The following FSTL5 variants were observed in gnomAD, a reference collection of about 807,000 sequenced individuals.
The protein encoded by FSTL5 is follistatin-related protein 5.
FSTL5 carries 62 observed loss-of-function variants against 89.1 expected under a neutral mutation model. The ratio of observed to expected loss-of-function variants is 0.70; its 90% CI spans 0.57 to 0.86. The LOEUF (loss-of-function observed/expected upper bound fraction) is 0.86. Among genes scored for constraint, FSTL5 ranks in the 40% least tolerant of loss-of-function variants. FSTL5 has a pLI of 0.00. For missense variants in FSTL5, 1,057 were observed against 1,001.6 expected, an observed-to-expected ratio of 1.06 and a Z score of -0.75; for synonymous variants, 383 against 346.2, an observed-to-expected ratio of 1.11 and a Z score of -1.18.
chr4:162,152,078 A>G (rs989305382), intron 1 of FSTL5, among the ~76,000 whole-genome samples: 1 of 152,198 alleles, frequency 6.6e-6, no homozygotes, highest in African/African-American at 2.4e-5. Context: ...AAGTTGTACT[A>G]TTTGTGCACA....
intron 6 of FSTL5, among the ~76,000 whole-genome samples, chr4:161,740,106 G>A (rs560482210): frequency 4.8e-4 from 73 of 151,880 alleles, no homozygotes; most frequent in African/African-American, 1.6e-3. Context: ...TGCAACCTCC[G>A]CCTCCCGGGT....
intron 15 of FSTL5, among the ~76,000 whole-genome samples, chr4:161,406,837 T>C (rs1731396620): frequency 6.6e-6 from 1 of 152,214 alleles, no homozygotes; most frequent in African/African-American, 2.4e-5. Flanking sequence ...GTCAATCTCT[T>C]ATACATAGAA....
At chr4:161,752,818 C>A (rs1344771713) in intron 6 of FSTL5, among the ~76,000 whole-genome samples, 1 of 152,116 alleles carries the variant, frequency 6.6e-6, no homozygotes, top group Non-Finnish European at 1.5e-5. Context: ...TTAATGAGGT[C>A]TTTAGGGTGG....
intron 2 of FSTL5, among the ~76,000 whole-genome samples, chr4:162,086,378 C>A (rs1386306313): frequency 6.6e-6 from 1 of 151,238 alleles, no homozygotes; most frequent in East Asian, 1.9e-4. Flanking sequence ...GCTATTCTTT[C>A]TCAAACTTCA....
At chr4:161,689,072 C>G (rs1028871312) in intron 6 of FSTL5, among the ~76,000 whole-genome samples, 2 of 152,108 alleles carry the variant, frequency 1.3e-5, no homozygotes, top group Non-Finnish European at 2.9e-5. Context: ...TGTATATATT[C>G]TGCTCATACA....
At chr4:161,600,174 C>G (rs927219559) in intron 7 of FSTL5, among the ~76,000 whole-genome samples, 1 of 151,108 alleles carries the variant, frequency 6.6e-6, no homozygotes, top group Admixed American at 6.6e-5. Context: ...CACACACACA[C>G]ACACACACAC....
chr4:161,566,383 A>G (rs761312803), intron 8 of FSTL5, among the ~76,000 whole-genome samples: 1 of 151,950 alleles, frequency 6.6e-6, no homozygotes, highest in Non-Finnish European at 1.5e-5. Flanking sequence ...TTGATTCCAC[A>G]TCTTTACTAT....
intron 10 of FSTL5, among the ~76,000 whole-genome samples, chr4:161,513,273 GAGAGAGAGA>G (rs1730709438): frequency 1.1e-3 from 4 of 3,624 alleles, no homozygotes; most frequent in African/African-American, 2.0e-3. Flanking sequence ...CAAGGAGGGG[GAGAGAGAGA>G]GAGAGAGAGA....
chr4:161,384,961 CA>C lies in FSTL5; in HGVS notation c.*785del, dbSNP rs1479319174. 6.6e-6 allele frequency: 1 copy of C among 152,142 alleles called. No homozygotes were observed. Among genetic ancestry groups the C allele is most frequent in the African/African-American group, 2.4e-5 (1 of 41,448 alleles). 9.4% of individuals were successfully genotyped at this position (152,142 alleles called of 1,614,324 possible). ...ATCCCAGACAAACTTGCATTAAAAA[CA>C]TAATGCACTCTAGTGATTGAAAGCA... On this transcript the variant is annotated 3_prime_UTR_variant, in exon 16 of 16. Transcript: ENST00000306100.
At chr4:161,795,087 T>A (rs1290635516) in intron 4 of FSTL5, among the ~76,000 whole-genome samples, 1 of 151,996 alleles carries the variant, frequency 6.6e-6, no homozygotes, top group Non-Finnish European at 1.5e-5. Context: ...ATTGAATACC[T>A]TAATATCTAG....
chr4:162,041,390 CAAGTAGT>C (rs1737951040), intron 2 of FSTL5, among the ~76,000 whole-genome samples: 1 of 151,734 alleles, frequency 6.6e-6, no homozygotes, highest in Admixed American at 6.6e-5. Context: ...TAAGGTTGGG[CAAGTAGT>C]ATGTTTCAAT....
At chr4:161,748,575 G>A (rs940558678) in intron 6 of FSTL5, among the ~76,000 whole-genome samples, 1 of 146,106 alleles carries the variant, frequency 6.8e-6, no homozygotes, top group African/African-American at 2.5e-5. Context: ...ACTGTTAATT[G>A]CTGGACTGAA....
chr4:162,014,899 G>C (rs1438702724), intron 3 of FSTL5, among the ~76,000 whole-genome samples: 1 of 152,050 alleles, frequency 6.6e-6, no homozygotes, highest in Admixed American at 6.6e-5. Context: ...AATAAGATAA[G>C]TTCTTTTCCA....
At chr4:161,985,930 C>T (rs1735952063) in intron 3 of FSTL5, among the ~76,000 whole-genome samples, 1 of 152,060 alleles carries the variant, frequency 6.6e-6, no homozygotes, top group African/African-American at 2.4e-5. Flanking sequence ...AACTACTTTT[C>T]CTGACTACCT....
chr4:161,828,613 T>C (rs543293491), intron 4 of FSTL5, among the ~76,000 whole-genome samples: 3 of 152,320 alleles, frequency 2.0e-5, no homozygotes, highest in South Asian at 4.1e-4. Flanking sequence ...TAGAGCAGTA[T>C]CTGAAAATTT....
At chr4:161,639,486 T>G (rs1041594194) in intron 7 of FSTL5, among the ~76,000 whole-genome samples, 1 of 152,164 alleles carries the variant, frequency 6.6e-6, no homozygotes, top group African/African-American at 2.4e-5. Context: ...TACAAAAACA[T>G]AAATTATTAT....
At chr4:161,445,708 T>C (rs1732921324) in intron 15 of FSTL5, among the ~76,000 whole-genome samples, 1 of 151,986 alleles carries the variant, frequency 6.6e-6, no homozygotes, top group African/African-American at 2.4e-5. Context: ...AATTTAGATA[T>C]AATACAGTTT....
At chr4:161,607,514 G>A (rs939648147) in intron 7 of FSTL5, among the ~76,000 whole-genome samples, 1 of 152,100 alleles carries the variant, frequency 6.6e-6, no homozygotes, top group Non-Finnish European at 1.5e-5. Context: ...GTTTAAAAAT[G>A]TAAAGTATTA....
intron 3 of FSTL5, among the ~76,000 whole-genome samples, chr4:162,005,297 C>A (rs1410356519): frequency 1.3e-5 from 2 of 152,116 alleles, no homozygotes; most frequent in African/African-American, 4.8e-5. Flanking sequence ...CTAGATTATG[C>A]CCCTAGGTTT....
Sources: gnomAD v4.1 joint callset for allele counts (sites outside exome capture counted in the v4.1 genomes callset) on GRCh38, gnomAD v4.1.1 for gene constraint, MANE v1.5 for transcripts, NCBI Gene and HGNC (gene_info 2026-07-23, HGNC 2026-07-21) for gene names.